The following SMOX variants were observed in gnomAD, a reference collection of about 807,000 sequenced individuals.
The protein encoded by SMOX is flavin containing amine oxidase.
Under a neutral mutation model 51.0 loss-of-function variants are expected in SMOX, and 22 were observed. The observed-to-expected ratio is 0.43, with a 90% CI of 0.31 to 0.62. The LOEUF (loss-of-function observed/expected upper bound fraction) is 0.62. Among genes scored for constraint, SMOX ranks in the 20% least tolerant of loss-of-function variants. The pLI, the probability that SMOX is intolerant of heterozygous loss-of-function variation, is 0.10. For synonymous variants in SMOX, 282 were observed against 307.8 expected (o/e 0.92, Z 0.88); for missense variants, 566 against 777.7 (o/e 0.73, Z 3.24).
chr20:4,186,166 G>A (rs563594751), intron 6 of SMOX, among the ~76,000 whole-genome samples: 2 of 152,032 alleles, frequency 1.3e-5, no homozygotes, highest in South Asian at 2.1e-4. Flanking sequence ...AATTAGCCAG[G>A]TGTGGTGGTG....
Position 4,177,061 on chromosome 20 carries a change from C to T in SMOX, c.209-290C>T, listed in dbSNP as rs1227709146. 6.6e-6 allele frequency among the ~76,000 whole-genome samples: 1 copy of T among 152,212 alleles called. No individual in the cohort carries two copies. Among genetic ancestry groups the T allele is most frequent in the East Asian group, 1.9e-4 (1 of 5,178 alleles). On this transcript the variant is annotated intron_variant, in intron 2 of 6. Transcript: ENST00000305958. This position sits in a 1 kb window ranked among gnomAD's most constrained non-coding sequence, Gnocchi z 4.3. ...AAGTGGGGTCTGATATCTGGTGTTA[C>T]CTGAGAAAAAGGTGGGACGGAAAAA...
At chr20:4,186,676 CA>C (rs1979759088) in intron 6 of SMOX, 8 of 764,496 alleles carry the variant, frequency 1.0e-5, no homozygotes, top group Non-Finnish European at 2.4e-6. Flanking sequence ...GCGCCTTGTG[CA>C]AACACCCATT....
chr20:4,162,917 G>A (rs1986399656), intron 1 of SMOX, among the ~76,000 whole-genome samples: 1 of 152,196 alleles, frequency 6.6e-6, no homozygotes, highest in African/African-American at 2.4e-5. Context: ...GGGAGGATGC[G>A]GCTGTGTGTG....
chr20:4,169,771 C>T (rs1019663062), intron 1 of SMOX, among the ~76,000 whole-genome samples: 8 of 152,172 alleles, frequency 5.3e-5, no homozygotes, highest in East Asian at 3.9e-4. Context: ...GCTGGTGGTT[C>T]GAGCAACACC....
chr20:4,155,500 C>A (rs892663221), intron 1 of SMOX, among the ~76,000 whole-genome samples: 13 of 152,114 alleles, frequency 8.5e-5, no homozygotes, highest in Admixed American at 8.5e-4. Context: ...GTGTCAGTCT[C>A]CTCATCTGTA....
intron 3 of SMOX, among the ~76,000 whole-genome samples, chr20:4,180,408 C>T (rs1256718354): frequency 6.6e-6 from 1 of 152,198 alleles, no homozygotes; most frequent in Non-Finnish European, 1.5e-5. Context: ...ACACCATTCC[C>T]AGACATGTGT....
chr20:4,154,985 T>C (rs1985940767), intron 1 of SMOX, among the ~76,000 whole-genome samples: 1 of 151,866 alleles, frequency 6.6e-6, no homozygotes, highest in Non-Finnish European at 1.5e-5. Context: ...ACCAGGAACA[T>C]AGGTCTGATT....
rs114813124 is a variant in SMOX at position 4,163,082 on chromosome 20, T to C, written c.-26-11948T>C. Among the ~76,000 whole-genome samples, 891 of 152,242 alleles carry C rather than the reference T, an allele frequency of 5.9e-3. 9 individuals carry two copies. The highest frequency in any genetic ancestry group is 0.021 in the African/African-American group (864 of 41,534). ...GAGGGAGCTTGGGCACTGCCTGGCC[T>C]TGTGGCTGTCTCTGCCTCTTCCTCT... is the stretch of plus-strand genomic sequence containing the variant. On this transcript the variant is annotated intron_variant, in intron 1 of 6. Transcript: ENST00000305958.
chr20:4,179,557 CA>C (rs1360890291), intron 3 of SMOX, among the ~76,000 whole-genome samples: 1 of 152,054 alleles, frequency 6.6e-6, no homozygotes, highest in Non-Finnish European at 1.5e-5. Flanking sequence ...ATGCAGCCCC[CA>C]AAGATGATGA....
In SMOX at chr20:4,167,236, A is replaced by G. The variant is rs140664338; in HGVS notation, c.-26-7794A>G. Among the ~76,000 whole-genome samples the G allele has an allele frequency of 1.7e-3, 262 of 152,276 alleles. No individual in the cohort carries two copies. The highest frequency in any genetic ancestry group is 5.8e-3 in the African/African-American group (240 of 41,562). On this transcript the variant is annotated intron_variant, in intron 1 of 6. Coordinates refer to ENST00000305958, the MANE Select transcript of SMOX (RefSeq NM_175839.3). This position sits in a 1 kb window ranked among gnomAD's most constrained non-coding sequence, Gnocchi z 4.8. ...CTGCATGATGTCAGTGTCAAGGTCCAGCCTGATAGTAGGGTTGGGGCCAAG... is the reference window on the plus strand; with the variant it reads ...CTGCATGATGTCAGTGTCAAGGTCCGGCCTGATAGTAGGGTTGGGGCCAAG...
rs1186051499 is a variant in SMOX, at chr20:4,166,316, C to G, written c.-26-8714C>G. Among the ~76,000 whole-genome samples the G allele has an allele frequency of 6.6e-6, 1 of 152,176 alleles. No individual in the cohort carries two copies. The highest frequency in any genetic ancestry group is 1.5e-5 in the Non-Finnish European group (1 of 68,034). ...TCTCTCTGATACTGTCATCAAGGCC[C>G]TCAGTGAGCTTTCGGAAAGACCCTG... is the stretch of plus-strand genomic sequence containing the variant. On this transcript the variant is annotated intron_variant, in intron 1 of 6. Coordinates refer to ENST00000305958, the MANE Select transcript of SMOX (RefSeq NM_175839.3). The surrounding 1 kb of genome is among the most constrained non-coding windows in gnomAD (Gnocchi z 4.2).
chr20:4,174,156 C>T (rs1161584237), intron 1 of SMOX, among the ~76,000 whole-genome samples: 1 of 152,184 alleles, frequency 6.6e-6, no homozygotes, highest in Non-Finnish European at 1.5e-5. Context: ...GAGGGCGGGA[C>T]TATGTCCTGC....
chr20:4,179,555 C>T (rs1445685254), intron 3 of SMOX, among the ~76,000 whole-genome samples: 1 of 152,000 alleles, frequency 6.6e-6, no homozygotes, highest in African/African-American at 2.4e-5. Context: ...GTATGCAGCC[C>T]CCAAAGATGA....
chr20:4,149,442 G>A lies in SMOX; in HGVS notation c.-27+465G>A, dbSNP rs1260668000. ...ACCGGGGAGAGGACAGAAGGCTCCC[G>A]GGTGATGGCCCGAACGCCAGGAGAG... On this transcript the variant is annotated intron_variant, in intron 1 of 6. Transcript: ENST00000305958. This position sits in a 1 kb window ranked among gnomAD's most constrained non-coding sequence, Gnocchi z 6.0. Among the ~76,000 whole-genome samples the A allele has an allele frequency of 6.6e-6, 1 of 152,102 alleles. No individual in the cohort carries two copies. The highest frequency in any genetic ancestry group is 1.5e-5 in the Non-Finnish European group (1 of 67,978).
In SMOX at chr20:4,182,013, T is replaced by G. The variant is rs1979363078; in HGVS notation, c.609+37T>G. 2.5e-6 allele frequency: 4 copies of G among 1,609,348 alleles called. No homozygotes were observed. Among genetic ancestry groups the G allele is most frequent in the Non-Finnish European group, 3.4e-6 (4 of 1,177,500 alleles). ...AAGACGGATTCTGGGGGCGTCTGGG[T>G]CTGAGGAGGGCTACGCTGCTCCTAC... On this transcript the variant is annotated intron_variant, in intron 4 of 6. Coordinates refer to ENST00000305958, the MANE Select transcript of SMOX (RefSeq NM_175839.3). This position sits in a 1 kb window ranked among gnomAD's most constrained non-coding sequence, Gnocchi z 8.4.
Position 4,177,401 on chromosome 20 carries a change from A to G in SMOX, c.259A>G (p.Asn87Asp). The stretch of plus-strand genomic sequence containing the variant: ...CACCTGGATCCATGGCTCCCATGGG[A>G]ACCCTATCTATCATCTAGCAGAAGC... ...GATWIHGSHG[N>D]PIYHLAEANG... Residue 87 changes from asparagine (N) to aspartate (D), a missense_variant, in exon 3 of 7, where the codon AAC becomes GAC. Physicochemically the swap from Asn to Asp is conservative, Grantham distance 23. Transcript: ENST00000305958. This position sits in a 1 kb window ranked among gnomAD's most constrained non-coding sequence, Gnocchi z 4.3. The G allele has an allele frequency of 6.4e-7, 1 of 1,556,344 alleles. No individual in the cohort carries two copies. Among genetic ancestry groups the G allele is most frequent in the Non-Finnish European group, 8.7e-7 (1 of 1,149,280 alleles).
Position 4,177,343 on chromosome 20 carries a change from A to AC in SMOX, c.209-5dup. On this transcript the variant is annotated splice_region_variant and splice_polypyrimidine_tract_variant and intron_variant, in intron 2 of 6. Coordinates refer to ENST00000305958, the MANE Select transcript of SMOX (RefSeq NM_175839.3). The surrounding 1 kb of genome is among the most constrained non-coding windows in gnomAD (Gnocchi z 4.3). ...AAGCCTCTAAGGGCCTGCTGTTGTCACCCTCAGGACACGCCACCTTTGAGC... is the reference window on the plus strand; with the variant it reads ...AAGCCTCTAAGGGCCTGCTGTTGTCACCCCTCAGGACACGCCACCTTTGAGC... 6.4e-7 allele frequency: 1 copy of AC among 1,551,302 alleles called. No homozygotes were observed. Among genetic ancestry groups the AC allele is most frequent in the African/African-American group, 1.4e-5 (1 of 73,056 alleles).
intron 1 of SMOX, among the ~76,000 whole-genome samples, chr20:4,171,403 TTC>T (rs899485295): frequency 1.1e-4 from 17 of 152,174 alleles, no homozygotes; most frequent in Non-Finnish European, 7.3e-5. Flanking sequence ...CCTGGCTATG[TTC>T]TCTCTCTCCC....
At chr20:4,169,931 T>C (rs962574840) in intron 1 of SMOX, among the ~76,000 whole-genome samples, 1 of 151,778 alleles carries the variant, frequency 6.6e-6, no homozygotes, top group African/African-American at 2.4e-5. Flanking sequence ...TCTGTGTGTA[T>C]GTTTTGGCGG....
Sources: allele counts gnomAD v4.1 joint callset (sites outside exome capture counted in the v4.1 genomes callset), GRCh38; gene constraint gnomAD v4.1.1; non-coding constraint Gnocchi (gnomAD v3.1); transcripts MANE v1.5; gene names NCBI Gene and HGNC (gene_info 2026-07-23, HGNC 2026-07-21).